Variants in TRIP13 observed in about 807,000 individuals in gnomAD.
TRIP13 encodes thyroid hormone receptor interactor 13, also known as pachytene checkpoint protein 2 homolog.
In TRIP13, 25 loss-of-function variants were observed where a neutral mutation model predicts 54.4. The ratio of observed to expected loss-of-function variants is 0.46; its 90% CI spans 0.33 to 0.64. TRIP13 has a LOEUF of 0.64. Among genes scored for constraint, TRIP13 ranks in the 30% least tolerant of loss-of-function variants. TRIP13 has a pLI of 0.02. For missense variants in TRIP13, 373 were observed against 534.2 expected, an observed-to-expected ratio of 0.70 and a Z score of 2.97; for synonymous variants, 207 against 207.8, an observed-to-expected ratio of 1.00 and a Z score of 0.03.
At chr5:896,613 G>A (rs1314444545) in intron 2 of TRIP13, 52 bp from the exon 3 acceptor site, 1 of 1,576,584 alleles carries the variant, frequency 6.3e-7, no homozygotes, top group Non-Finnish European at 8.6e-7. Context: ...TATGGTTGCA[G>A]TTAAGTGAGA....
In TRIP13 at chr5:916,792, C is replaced by G. The variant is rs1055758128; in HGVS notation, c.1204-216C>G. Among the ~76,000 whole-genome samples the G allele has an allele frequency of 0.054, 6,869 of 127,230 alleles. 503 individuals are homozygous for G. The highest frequency in any genetic ancestry group is 0.23 in the African/African-American group (6,369 of 27,204). The allele number at this position is 127,230 out of a possible 152,430, so 83.5% of individuals were successfully genotyped here. Reference sequence around the variant, plus strand: ...TCTGACATTCAGGACATGGCGGGGGCGGGGGTCACGTAGCCACCTTGTTCG... The same window carrying G: ...TCTGACATTCAGGACATGGCGGGGGGGGGGGTCACGTAGCCACCTTGTTCG... On this transcript the variant is annotated intron_variant, in intron 12 of 12. Coordinates refer to ENST00000166345, the MANE Select transcript of TRIP13 (RefSeq NM_004237.4).
chr5:901,231 C>T (rs1753981039), intron 4 of TRIP13, 110 bp from the exon 5 acceptor site: 2 of 916,800 alleles, frequency 2.2e-6, no homozygotes, highest in African/African-American at 3.3e-5. Flanking sequence ...CGGCCTCGCT[C>T]CCTGTGCTCC....
In TRIP13 at chr5:914,563, G is replaced by A; in HGVS notation, c.1119G>A (p.Leu373=). 1 of 1,612,916 alleles carries A rather than the reference G, an allele frequency of 6.2e-7. No homozygotes were observed. The highest frequency in any genetic ancestry group is 8.5e-7 in the Non-Finnish European group (1 of 1,179,560). ...ENNVSKLSLL[L]NDISRKSEGL... Reference sequence around the variant, plus strand: ...ACGTGTCAAAATTGAGCCTTCTTTTGAATGACATTTCAAGGTGCAAATTGA... The same window carrying A: ...ACGTGTCAAAATTGAGCCTTCTTTTAAATGACATTTCAAGGTGCAAATTGA... The change falls in exon 11 of 13, where the codon TTG becomes TTA. Residue 373 remains leucine (L), a synonymous_variant. Coordinates refer to ENST00000166345, the MANE Select transcript of TRIP13 (RefSeq NM_004237.4).
chr5:905,489 C>T (rs1370882229), intron 6 of TRIP13, among the ~76,000 whole-genome samples: 1 of 152,220 alleles, frequency 6.6e-6, no homozygotes, highest in Non-Finnish European at 1.5e-5. Flanking sequence ...TTCAGACTCC[C>T]TGAACTCCAA....
Position 915,452 on chromosome 5 carries a change from C to A in TRIP13, c.1134-452C>A, listed in dbSNP as rs1395965125. 6.8e-6 allele frequency among the ~76,000 whole-genome samples: 1 copy of A among 146,050 alleles called. No individual in the cohort carries two copies. Among genetic ancestry groups the A allele is most frequent in the Admixed American group, 6.7e-5 (1 of 14,908 alleles). Reference sequence around the variant, plus strand: ...ATGCTGGCCCTGGGGCAGAGGCTCCCAGGCAGGTGATGCATTCCCTGAGCG... The same window carrying A: ...ATGCTGGCCCTGGGGCAGAGGCTCCAAGGCAGGTGATGCATTCCCTGAGCG... On this transcript the variant is annotated intron_variant, in intron 11 of 12. Coordinates refer to ENST00000166345, the MANE Select transcript of TRIP13 (RefSeq NM_004237.4). This position sits in a 1 kb window ranked among gnomAD's most constrained non-coding sequence, Gnocchi z 4.2.
At position 915,827 on chromosome 5, in the gene TRIP13, C is replaced by T. The variant is rs1452127347; in HGVS notation, c.1134-77C>T. The T allele has an allele frequency of 5.9e-6, 9 of 1,520,108 alleles. No homozygotes were observed. Among genetic ancestry groups the T allele is most frequent in the South Asian group, 2.2e-5 (2 of 88,968 alleles). The allele number at this position is 1,520,108 out of a possible 1,614,324, so 94.2% of individuals were successfully genotyped here. Reference sequence around the variant, plus strand: ...TCGGCTTGTGTTCCCAGGGATGCCTCGGCCAATGAGGAAAATTAGTCCTGA... The same window carrying T: ...TCGGCTTGTGTTCCCAGGGATGCCTTGGCCAATGAGGAAAATTAGTCCTGA... On this transcript the variant is annotated intron_variant, in intron 11 of 12. Transcript: ENST00000166345. This position sits in a 1 kb window ranked among gnomAD's most constrained non-coding sequence, Gnocchi z 4.2.
chr5:911,094 C>T lies in TRIP13; in HGVS notation c.867-749C>T, dbSNP rs1754221385. ...TGCTGGGTCCTTGGGGGACATTGGT[C>T]AACAGACCAGACAACAGGGGCTCTC... On this transcript the variant is annotated intron_variant, in intron 9 of 12. Coordinates refer to ENST00000166345, the MANE Select transcript of TRIP13 (RefSeq NM_004237.4). The surrounding 1 kb of genome is among the most constrained non-coding windows in gnomAD (Gnocchi z 4.7). 6.6e-6 allele frequency among the ~76,000 whole-genome samples: 1 copy of T among 152,194 alleles called. No homozygotes were observed. The highest frequency in any genetic ancestry group is 2.4e-5 in the African/African-American group (1 of 41,458).
At chr5:914,634 G>C in intron 11 of TRIP13, 57 bp downstream of exon 11, 1 of 1,428,966 alleles carries the variant, frequency 7.0e-7, no homozygotes, top group Non-Finnish European at 9.8e-7. Flanking sequence ...TATTAACTAG[G>C]GAGTCATTGT....
intron 5 of TRIP13, among the ~76,000 whole-genome samples, chr5:902,970 A>T (rs945798804): frequency 1.3e-4 from 20 of 152,220 alleles, no homozygotes; most frequent in African/African-American, 4.8e-4. Context: ...ACTGCTAGCT[A>T]AAAGGCAGAG....
intron 2 of TRIP13, among the ~76,000 whole-genome samples, chr5:896,043 G>A (rs759123416): frequency 6.6e-6 from 1 of 152,220 alleles, no homozygotes; most frequent in Non-Finnish European, 1.5e-5. Flanking sequence ...ACTGGGCAAG[G>A]TGGCTCATGC....
At chr5:900,385 C>A in intron 3 of TRIP13, 109 bp from the exon 4 acceptor site, 1 of 1,059,792 alleles carries the variant, frequency 9.4e-7, no homozygotes, top group Non-Finnish European at 1.4e-6. Flanking sequence ...ATAGTCTTGC[C>A]TGGAGCAGCA....
chr5:896,218 G>T (rs72703171), intron 2 of TRIP13, among the ~76,000 whole-genome samples: 6,687 of 152,290 alleles, frequency 0.044, 168 homozygotes, highest in Non-Finnish European at 0.049. Flanking sequence ...AAGGCTGGAG[G>T]TGGGAGGATC....
At position 911,276 on chromosome 5, in the gene TRIP13, T is replaced by C. The variant is rs372302346; in HGVS notation, c.867-567T>C. On this transcript the variant is annotated intron_variant, in intron 9 of 12. Coordinates refer to ENST00000166345, the MANE Select transcript of TRIP13 (RefSeq NM_004237.4). This position sits in a 1 kb window ranked among gnomAD's most constrained non-coding sequence, Gnocchi z 4.7. ...CACAATCAGGAACGCCATGCGAAAG[T>C]GAGATCCTTGCTAGGCCGGGCGCGG... Among the ~76,000 whole-genome samples, 358 of 152,236 alleles carry C rather than the reference T, an allele frequency of 2.4e-3. 3 individuals are homozygous for C. In the Middle Eastern group the frequency reaches 0.038, roughly 16 times the overall value.
chr5:916,840 G>A (rs902050235), intron 12 of TRIP13, among the ~76,000 whole-genome samples, 168 bp from the exon 13 acceptor site: 1 of 152,288 alleles, frequency 6.6e-6, no homozygotes, highest in Non-Finnish European at 1.5e-5. Flanking sequence ...TAAAGAGCTT[G>A]GCTGATGTGC....
At chr5:896,509 GAAATA>G (rs1248220433) in intron 2 of TRIP13, among the ~76,000 whole-genome samples, 151 bp from the exon 3 acceptor site, 1 of 152,120 alleles carries the variant, frequency 6.6e-6, no homozygotes, top group Non-Finnish European at 1.5e-5. Context: ...TCCTCAATCT[GAAATA>G]AAATAATAGC....
intron 6 of TRIP13, among the ~76,000 whole-genome samples, chr5:906,476 CTT>C (rs1754117772): frequency 6.6e-6 from 1 of 152,152 alleles, no homozygotes; most frequent in South Asian, 2.1e-4. Context: ...CGGTCTCTCT[CTT>C]TTTTACGTGG....
intron 2 of TRIP13, among the ~76,000 whole-genome samples, chr5:895,566 C>T (rs1367805838): frequency 6.6e-6 from 1 of 152,166 alleles, no homozygotes; most frequent in Non-Finnish European, 1.5e-5. Flanking sequence ...AAGTTCTGCT[C>T]GTGAGGTGGA....
Position 892,918 on chromosome 5 carries a change from G to T in TRIP13, c.-81G>T. ...GCTAGGGCGGGGCCCGCGGGCTGAG[G>T]CAGCGGCTGTGGCGGCGACGCTGGG... is the stretch of plus-strand genomic sequence containing the variant. On this transcript the variant is annotated 5_prime_UTR_variant, in exon 1 of 13. Transcript: ENST00000166345. 7.6e-7 allele frequency: 1 copy of T among 1,319,934 alleles called. No individual in the cohort carries two copies. The allele number at this position is 1,319,934 out of a possible 1,614,324, so 81.8% of individuals were successfully genotyped here.
Position 911,109 on chromosome 5 carries a change from CAG to C in TRIP13, c.867-733_867-732del, listed in dbSNP as rs1430691422. On this transcript the variant is annotated intron_variant, in intron 9 of 12. Transcript: ENST00000166345. The surrounding 1 kb of genome is among the most constrained non-coding windows in gnomAD (Gnocchi z 4.7). Reference sequence around the variant, plus strand: ...GGACATTGGTCAACAGACCAGACAACAGGGGCTCTCTCTATGGAGTTTAGACG... The same window carrying C: ...GGACATTGGTCAACAGACCAGACAACGGGCTCTCTCTATGGAGTTTAGACG... Among the ~76,000 whole-genome samples, 1 of 152,228 alleles carries C rather than the reference CAG, an allele frequency of 6.6e-6. No individual in the cohort carries two copies. The highest frequency in any genetic ancestry group is 2.4e-5 in the African/African-American group (1 of 41,462).
Sources: allele counts gnomAD v4.1 joint callset (sites outside exome capture counted in the v4.1 genomes callset), GRCh38; gene constraint gnomAD v4.1.1; non-coding constraint Gnocchi (gnomAD v3.1); transcripts MANE v1.5; gene names NCBI Gene and HGNC (gene_info 2026-07-23, HGNC 2026-07-21).